Variants in SLC26A5 observed in about 807,000 individuals in gnomAD.
SLC26A5 encodes solute carrier family 26 member 5, also known as prestin.
A neutral mutation model predicts 81.0 loss-of-function variants in SLC26A5; 51 were observed. The ratio of observed to expected loss-of-function variants is 0.63; its 90% CI spans 0.50 to 0.80. The LOEUF (loss-of-function observed/expected upper bound fraction) is 0.80, where lower values mean the gene tolerates loss of function less well. Ranked by LOEUF, SLC26A5 falls within the 30% of genes least tolerant of loss-of-function variation. SLC26A5 has a pLI of 0.00. For synonymous variants in SLC26A5, 325 were observed against 332.8 expected, an observed-to-expected ratio of 0.98 and a Z score of 0.25; for missense variants, 771 against 905.8, an observed-to-expected ratio of 0.85 and a Z score of 1.91.
At chr7:103,433,181 C>A (rs1210466045) in intron 2 of SLC26A5, among the ~76,000 whole-genome samples, 2 of 152,098 alleles carry the variant, frequency 1.3e-5, no homozygotes, top group African/African-American at 4.8e-5. Context: ...AATTTTCTTT[C>A]CAGGTTTGAA....
downstream of SLC26A5, among the ~76,000 whole-genome samples, chr7:103,370,405 C>CCA (rs1820965285): frequency 2.8e-5 from 4 of 144,276 alleles, no homozygotes; most frequent in East Asian, 2.1e-4. Context: ...AACACACACA[C>CCA]AAAAACACAC....
chr7:103,378,579 A>G, intron 16 of SLC26A5, 26 bp from the exon 17 acceptor site: 1 of 1,604,536 alleles, frequency 6.2e-7, no homozygotes, highest in East Asian at 2.2e-5. Flanking sequence ...CCATATGCAA[A>G]ATCACTTCAT....
intron 5 of SLC26A5, among the ~76,000 whole-genome samples, chr7:103,412,180 A>T (rs1441580741): frequency 6.6e-6 from 1 of 152,212 alleles, no homozygotes; most frequent in Non-Finnish European, 1.5e-5. Context: ...TAAAGCTGCT[A>T]CATTTTGGGG....
chr7:103,377,850 TG>T, intron 17 of SLC26A5, 51 bp from the exon 18 acceptor site: 1 of 1,547,096 alleles, frequency 6.5e-7, no homozygotes, highest in Non-Finnish European at 8.9e-7. Flanking sequence ...CTCACATTTC[TG>T]GTTGTGAGAA....
At chr7:103,402,559 C>G (rs1159406790) in intron 8 of SLC26A5, among the ~76,000 whole-genome samples, 1 of 151,962 alleles carries the variant, frequency 6.6e-6, no homozygotes, top group Middle Eastern at 3.2e-3. Flanking sequence ...GCCACCATGT[C>G]TGGCTAATTT....
Position 103,377,667 on chromosome 7 carries a change from G to T in SLC26A5, c.1918C>A (p.His640Asn). 2 of 1,614,058 alleles carry T rather than the reference G, an allele frequency of 1.2e-6. No individual in the cohort carries two copies. The highest frequency in any genetic ancestry group is 1.7e-6 in the Non-Finnish European group (2 of 1,180,012). Residue 640 changes from histidine (H) to asparagine (N), a missense_variant, in exon 18 of 20, where the codon CAC becomes AAC. By Grantham distance (68) the His-to-Asn change is moderately conservative. Transcript: ENST00000306312. The part of the protein sequence containing the change: ...QRFMPPGDNV[H>N]TVILDFTQVN... ...TGAGTGAAATCCAAAATGACAGTGT[G>T]GACGTTATCCCCTGGGGGCATAAAT...
intron 19 of SLC26A5, among the ~76,000 whole-genome samples, chr7:103,358,652 TA>T (rs1820180546): frequency 6.6e-6 from 1 of 152,124 alleles, no homozygotes; most frequent in South Asian, 2.1e-4. Context: ...CTCTTATCTT[TA>T]TTCTTTCATT....
chr7:103,407,097 T>C (rs1377020097), intron 8 of SLC26A5, among the ~76,000 whole-genome samples: 1 of 152,234 alleles, frequency 6.6e-6, no homozygotes, highest in Non-Finnish European at 1.5e-5. Flanking sequence ...AACTTCTAGT[T>C]GGCAATAGTT....
chr7:103,389,100 G>A lies in SLC26A5; in HGVS notation c.1422C>T (p.Thr474=), dbSNP rs781253385. 2 of 1,613,022 alleles carry A rather than the reference G, an allele frequency of 1.2e-6. No homozygotes were observed. The highest frequency in any genetic ancestry group is 2.2e-5 in the South Asian group (2 of 90,916). The stretch of plus-strand genomic sequence containing the variant: ...CCAGGAACAAGGAGGACACAAAAGT[G>A]GTAAGCCAGATGGTCTAAGCAAAAG... ...TSKIELTIWL[T]TFVSSLFLGL... Residue 474 remains threonine (T), a synonymous_variant, in exon 14 of 20, where the codon ACC becomes ACT. Transcript: ENST00000306312.
intron 2 of SLC26A5, among the ~76,000 whole-genome samples, chr7:103,430,459 C>A (rs1305561354): frequency 6.6e-6 from 1 of 152,158 alleles, no homozygotes; most frequent in Non-Finnish European, 1.5e-5. Flanking sequence ...CTGTAAATGG[C>A]AGCTGGGAGT....
downstream of SLC26A5, among the ~76,000 whole-genome samples, chr7:103,371,451 A>C (rs956619808): frequency 1.3e-5 from 2 of 149,806 alleles, no homozygotes; most frequent in Non-Finnish European, 3.0e-5. Flanking sequence ...CAGCCTCCCG[A>C]GTAGCTGGGA....
At chr7:103,431,315 C>A (rs1176989163) in intron 2 of SLC26A5, among the ~76,000 whole-genome samples, 1 of 131,602 alleles carries the variant, frequency 7.6e-6, no homozygotes, top group Non-Finnish European at 1.5e-5. Context: ...CAGCCATTTT[C>A]TTTCTTTCTT....
intron 19 of SLC26A5, among the ~76,000 whole-genome samples, chr7:103,355,409 G>A (rs566178115): frequency 2.0e-4 from 30 of 152,284 alleles, no homozygotes; most frequent in African/African-American, 6.3e-4. Context: ...TTAGGGCAGG[G>A]TGTAGTTTTC....
rs375613469 is a variant in SLC26A5 at position 103,378,464 on chromosome 7, G to C, written c.1767C>G (p.Asn589Lys). 1.2e-6 allele frequency: 2 copies of C among 1,613,938 alleles called. No individual in the cohort carries two copies. The highest frequency in any genetic ancestry group is 1.3e-5 in the African/African-American group (1 of 74,908). Residue 589 changes from asparagine to lysine, a missense_variant, in exon 17 of 20, where the codon AAC (asparagine) becomes AAG (lysine). Asn to Lys is a moderately conservative substitution (Grantham distance 94, BLOSUM62 0). Transcript: ENST00000306312. ...CACTCACTGCTTTGACAACAGTTGC[G>C]TTGGCCATATTTGCATTTCCGACTT... is the stretch of plus-strand genomic sequence containing the variant. The part of the protein sequence containing the change: ...AKEVGNANMA[N>K]ATVVKADAEV...
chr7:103,355,811 G>C, intron 19 of SLC26A5: 1 of 1,550,944 alleles, frequency 6.4e-7, no homozygotes, highest in East Asian at 2.3e-5. Context: ...CGGGTGCTCT[G>C]TGGCAACTTA....
chr7:103,365,785 G>T (rs1281216857), intron 19 of SLC26A5, among the ~76,000 whole-genome samples: 1 of 151,624 alleles, frequency 6.6e-6, no homozygotes, highest in Non-Finnish European at 1.5e-5. Flanking sequence ...AAAATTAGCG[G>T]GGTGTGGTGA....
At chr7:103,392,884 CTATGA>C in intron 10 of SLC26A5, 30 bp downstream of exon 10, 1 of 1,613,630 alleles carries the variant, frequency 6.2e-7, no homozygotes, top group Non-Finnish European at 8.5e-7. Flanking sequence ...GATTGTACTG[CTATGA>C]AACATGTGCA....
At chr7:103,401,295 AAG>A (rs1563546182) in intron 8 of SLC26A5, among the ~76,000 whole-genome samples, 2 of 152,072 alleles carry the variant, frequency 1.3e-5, no homozygotes. Context: ...CATCCCTTAT[AAG>A]TTGTATTCAT....
intron 7 of SLC26A5, among the ~76,000 whole-genome samples, chr7:103,409,640 A>AGG (rs1402930438): frequency 1.3e-5 from 2 of 152,182 alleles, no homozygotes; most frequent in African/African-American, 2.4e-5. Flanking sequence ...AGGGGTCTAT[A>AGG]TAATTAAAAG....
Sources: allele counts gnomAD v4.1 joint callset (sites outside exome capture counted in the v4.1 genomes callset), GRCh38; gene constraint gnomAD v4.1.1; transcripts MANE v1.5; gene names NCBI Gene and HGNC (gene_info 2026-07-23, HGNC 2026-07-21).